The following RFX6 variants were observed in gnomAD, a reference collection of about 807,000 sequenced individuals.
The protein encoded by RFX6 is DNA-binding protein RFX6.
RFX6 carries 50 observed loss-of-function variants against 110.8 expected under a neutral mutation model. That is an observed-to-expected ratio of 0.45 (90% CI 0.36 to 0.57). The LOEUF (loss-of-function observed/expected upper bound fraction) is 0.57. Ranked by LOEUF, RFX6 falls within the 20% of genes least tolerant of loss-of-function variation. The probability of loss-of-function intolerance (pLI) is 0.00; values close to 1 mark genes in which losing one functional copy is unlikely to be tolerated. For synonymous variants in RFX6, 383 were observed against 411.2 expected (o/e 0.93, Z 0.83); for missense variants, 990 against 1,127.0 (o/e 0.88, Z 1.74).
intron 4 of RFX6, among the ~76,000 whole-genome samples, chr6:116,887,492 T>C (rs1308883588): frequency 6.6e-6 from 1 of 152,238 alleles, no homozygotes; most frequent in Non-Finnish European, 1.5e-5. Flanking sequence ...CTTCTTTTCT[T>C]CCCTTTAGTT....
intron 6 of RFX6, among the ~76,000 whole-genome samples, chr6:116,906,743 TTGTGTGTGTGTG>T (rs56724266): frequency 6.7e-6 from 1 of 149,978 alleles, no homozygotes; most frequent in Non-Finnish European, 1.5e-5. Flanking sequence ...CATTTATGAG[TTGTGTGTGTGTG>T]TGTGTGTGTG....
At chr6:116,901,590 T>G (rs1295667130) in intron 6 of RFX6, among the ~76,000 whole-genome samples, 1 of 152,216 alleles carries the variant, frequency 6.6e-6, no homozygotes, top group Non-Finnish European at 1.5e-5. Flanking sequence ...GTTGGCATTC[T>G]GGTTGACCAG....
intron 5 of RFX6, among the ~76,000 whole-genome samples, chr6:116,894,569 A>G (rs1774900442): frequency 6.6e-6 from 1 of 152,144 alleles, no homozygotes; most frequent in Non-Finnish European, 1.5e-5. Flanking sequence ...AAGGTAAAAC[A>G]TGAATGAAAA....
chr6:116,877,633 C>T, intron 1 of RFX6, 135 bp downstream of exon 1: 1 of 1,052,246 alleles, frequency 9.5e-7, no homozygotes, highest in Non-Finnish European at 1.4e-6. Flanking sequence ...TGTATTTCCT[C>T]AGTAAAATGT....
At chr6:116,907,146 G>A (rs1264925182) in intron 6 of RFX6, among the ~76,000 whole-genome samples, 1 of 151,628 alleles carries the variant, frequency 6.6e-6, no homozygotes, top group Non-Finnish European at 1.5e-5. Flanking sequence ...TTCCATTAAT[G>A]TGATGTAACA....
intron 5 of RFX6, 58 bp downstream of exon 5, chr6:116,894,122 C>A: frequency 2.2e-6 from 2 of 905,436 alleles, no homozygotes; most frequent in Non-Finnish European, 3.7e-6. Context: ...ATGCATGATA[C>A]CTATTGAATA....
intron 5 of RFX6, among the ~76,000 whole-genome samples, chr6:116,894,956 C>T (rs1774911052): frequency 6.6e-6 from 1 of 152,082 alleles, no homozygotes. Flanking sequence ...TCTCAAATCT[C>T]ACCTGGCTTT....
chr6:116,931,605 A>C lies in RFX6; in HGVS notation c.*99A>C. 2.3e-6 allele frequency: 2 copies of C among 881,884 alleles called. No individual in the cohort carries two copies. The highest frequency in any genetic ancestry group is 3.6e-6 in the Non-Finnish European group (2 of 559,784). The allele number at this position is 881,884 out of a possible 1,614,324, so 54.6% of individuals were successfully genotyped here. A position where few individuals can be genotyped will look rare whatever the true frequency, so the allele number is the denominator to read the frequency against. ...CTTCCATAAGAGTAAATAAAAATGA[A>C]TATGCAGTGGCTGACATTGTTTTAA... On this transcript the variant is annotated 3_prime_UTR_variant, in exon 19 of 19. Coordinates refer to ENST00000332958, the MANE Select transcript of RFX6 (RefSeq NM_173560.4).
intron 12 of RFX6, among the ~76,000 whole-genome samples, chr6:116,921,653 T>C (rs1775597534): frequency 7.3e-6 from 1 of 136,880 alleles, no homozygotes; most frequent in South Asian, 2.6e-4. Flanking sequence ...CCTTGCTCTA[T>C]AATTTTTTTT....
At chr6:116,907,735 C>T (rs1775237577) in intron 6 of RFX6, among the ~76,000 whole-genome samples, 1 of 151,986 alleles carries the variant, frequency 6.6e-6, no homozygotes, top group African/African-American at 2.4e-5. Flanking sequence ...TATGTTTGTT[C>T]AATATAGTTG....
intron 11 of RFX6, 107 bp from the exon 12 acceptor site, chr6:116,920,203 T>C: frequency 2.3e-6 from 2 of 882,574 alleles, no homozygotes; most frequent in Non-Finnish European, 3.8e-6. Context: ...AAAAAAGTTA[T>C]TTATGATACT....
intron 18 of RFX6, among the ~76,000 whole-genome samples, chr6:116,929,414 A>AG (rs1554198174): frequency 6.6e-6 from 1 of 152,152 alleles, no homozygotes; most frequent in Non-Finnish European, 1.5e-5. Flanking sequence ...ATTAAAAAAA[A>AG]CTGGTGTCCT....
chr6:116,915,671 AAAATT>A (rs1367390396), intron 7 of RFX6, among the ~76,000 whole-genome samples: 1 of 152,076 alleles, frequency 6.6e-6, no homozygotes, highest in African/African-American at 2.4e-5. Context: ...TATTTACCCA[AAAATT>A]AATTTTAAAA....
chr6:116,916,125 T>C, intron 8 of RFX6, 40 bp downstream of exon 8: 2 of 1,550,060 alleles, frequency 1.3e-6, no homozygotes, highest in Non-Finnish European at 8.9e-7. Flanking sequence ...CCCTATTATA[T>C]ATACTTTCAT....
At position 116,915,998 on chromosome 6, in the gene RFX6, C is replaced by T. The variant is rs749273216; in HGVS notation, c.781-10C>T. The T allele has an allele frequency of 3.1e-6, 5 of 1,595,760 alleles. No individual in the cohort carries two copies. The highest frequency in any genetic ancestry group is 1.8e-4 in the Middle Eastern group (1 of 5,576). ...GATGCTTTGGTTAAGCTTTTTCTTCCTTGAAATAGGTTGATACGCTCATAA... is the reference window on the plus strand; with the variant it reads ...GATGCTTTGGTTAAGCTTTTTCTTCTTTGAAATAGGTTGATACGCTCATAA... On this transcript the variant is annotated splice_polypyrimidine_tract_variant and intron_variant, in intron 7 of 18. Transcript: ENST00000332958.
chr6:116,916,116 C>T, intron 8 of RFX6, 31 bp downstream of exon 8: 1 of 1,553,476 alleles, frequency 6.4e-7, no homozygotes, highest in Non-Finnish European at 8.9e-7. Context: ...TTTATTTGAC[C>T]CTATTATATA....
At chr6:116,927,648 C>A in intron 17 of RFX6, 109 bp downstream of exon 17, 1 of 879,832 alleles carries the variant, frequency 1.1e-6, no homozygotes, top group Non-Finnish European at 1.8e-6. Context: ...TTAAGGCTTC[C>A]AAAGATCATG....
rs59264999 is a variant in RFX6 at position 116,909,735 on chromosome 6, C to CTTTTTTTTT, written c.673-1179_673-1171dup. On this transcript the variant is annotated intron_variant, in intron 6 of 18. Coordinates refer to ENST00000332958, the MANE Select transcript of RFX6 (RefSeq NM_173560.4). Reference sequence around the variant, plus strand: ...TTTTAAATATAAAGCTCATTTAAATCTTTTTTTTTTTTTTTTTTTTTTTTT... The same window carrying CTTTTTTTTT: ...TTTTAAATATAAAGCTCATTTAAATCTTTTTTTTTTTTTTTTTTTTTTTTTTTTTTTTTT... 6.8e-4 allele frequency among the ~76,000 whole-genome samples: 46 copies of CTTTTTTTTT among 67,378 alleles called. 9 individuals carry two copies. The highest frequency in any genetic ancestry group is 2.6e-3 in the African/African-American group (43 of 16,512). 44.2% of individuals were successfully genotyped at this position (67,378 alleles called of 152,430 possible).
At position 116,932,123 on chromosome 6, in the gene RFX6, A is replaced by G. The variant is rs1775900018; in HGVS notation, c.*617A>G. On this transcript the variant is annotated 3_prime_UTR_variant, in exon 19 of 19. Coordinates refer to ENST00000332958, the MANE Select transcript of RFX6 (RefSeq NM_173560.4). ...ATAAGTGCTTTCCCCTCTTTATTTA[A>G]AAAAGATTAAAAGGAATAAAAGAAA... The G allele has an allele frequency of 6.6e-6, 1 of 152,652 alleles. No individual in the cohort carries two copies. Among genetic ancestry groups the G allele is most frequent in the African/African-American group, 2.4e-5 (1 of 41,430 alleles). 9.5% of individuals were successfully genotyped at this position (152,652 alleles called of 1,614,324 possible).
Sources: allele counts gnomAD v4.1 joint callset (sites outside exome capture counted in the v4.1 genomes callset), GRCh38; gene constraint gnomAD v4.1.1; transcripts MANE v1.5; gene names NCBI Gene and HGNC (gene_info 2026-07-23, HGNC 2026-07-21).